PLAC9: variants seen among roughly 807,000 people sequenced by gnomAD.
PLAC9 encodes placenta associated 9, also known as placenta-specific protein 9.
Under a neutral mutation model 11.5 loss-of-function variants are expected in PLAC9, and 12 were observed. The ratio of observed to expected loss-of-function variants is 1.05; its 90% CI spans 0.67 to 1.69. The LOEUF (loss-of-function observed/expected upper bound fraction) is 1.69. Ranked by LOEUF, PLAC9 falls within the 40% of genes most tolerant of loss-of-function variation. The probability of loss-of-function intolerance (pLI) is 0.00; values close to 1 mark genes in which losing one functional copy is unlikely to be tolerated. For synonymous variants in PLAC9, 62 were observed against 58.1 expected (o/e 1.07, Z -0.31); for missense variants, 132 against 130.5 (o/e 1.01, Z -0.06).
chr10:80,143,343 C>T (rs1266516762), intron 2 of PLAC9, among the ~76,000 whole-genome samples: 8 of 150,110 alleles, frequency 5.3e-5, no homozygotes, highest in Admixed American at 2.7e-4. Context: ...GGATTACAGG[C>T]GTGAGCCACC....
chr10:80,144,180 G>A, intron 2 of PLAC9, 43 bp from the exon 3 acceptor site: 3 of 1,613,828 alleles, frequency 1.9e-6, no homozygotes, highest in South Asian at 2.2e-5. Context: ...AGCGGAACGT[G>A]GAACCACTTC....
Position 80,135,321 on chromosome 10 carries a change from C to CTTT in PLAC9, c.64+2515_64+2517dup, listed in dbSNP as rs139336508. ...ACAGGTGTGAGCCACTGCGCCCGGC[C>CTTT]TTTTTTTTTTTTTTTTTTTTTTGAG... On this transcript the variant is annotated intron_variant, in intron 1 of 3. Coordinates refer to ENST00000372263, the MANE Select transcript of PLAC9 (RefSeq NM_001012973.3). Among the ~76,000 whole-genome samples the CTTT allele has an allele frequency of 2.9e-3, 198 of 67,282 alleles. 2 individuals carry two copies. Among genetic ancestry groups the CTTT allele is most frequent in the Non-Finnish European group, 3.9e-3 (153 of 39,162 alleles). The allele number at this position is 67,282 out of a possible 152,430, so 44.1% of individuals were successfully genotyped here. A position where few individuals can be genotyped will look rare whatever the true frequency, so the allele number is the denominator to read the frequency against.
intron 1 of PLAC9, among the ~76,000 whole-genome samples, chr10:80,141,416 T>C (rs1845038829): frequency 6.6e-6 from 1 of 152,052 alleles, no homozygotes; most frequent in African/African-American, 2.4e-5. Flanking sequence ...CTGACCAACA[T>C]GGTGAAACCC....
intron 1 of PLAC9, among the ~76,000 whole-genome samples, chr10:80,134,376 G>T (rs1207043153): frequency 1.3e-5 from 2 of 150,358 alleles, no homozygotes; most frequent in Non-Finnish European, 2.9e-5. Context: ...TGATTCTCCT[G>T]CCTCAGCCTC....
At chr10:80,142,282 G>T (rs751516624) in intron 2 of PLAC9, 103 bp downstream of exon 2, 40 of 962,488 alleles carry the variant, frequency 4.2e-5, no homozygotes, top group Non-Finnish European at 5.1e-5. Flanking sequence ...GGACATCCGG[G>T]CCGATCCTGC....
chr10:80,132,501 C>G, upstream of PLAC9: 1 of 417,510 alleles, frequency 2.4e-6, no homozygotes, highest in Non-Finnish European at 4.2e-6. Flanking sequence ...CCAGGAGGTG[C>G]GGGGACTCGG....
chr10:80,134,919 C>T (rs959574144), intron 1 of PLAC9, among the ~76,000 whole-genome samples: 1 of 152,076 alleles, frequency 6.6e-6, no homozygotes, highest in African/African-American at 2.4e-5. Context: ...AATTGCATCC[C>T]TTTTATGTCA....
In PLAC9 at chr10:80,144,345, T is replaced by G; in HGVS notation, c.283+2T>G. 1.3e-6 allele frequency: 2 copies of G among 1,597,280 alleles called. No individual in the cohort carries two copies. The highest frequency in any genetic ancestry group is 1.7e-6 in the Non-Finnish European group (2 of 1,175,932). On this transcript the variant is annotated splice_donor_variant, in intron 3 of 3. Transcript: ENST00000372263. LOFTEE classifies it high-confidence loss of function. The stretch of plus-strand genomic sequence containing the variant: ...GCCCCGCTCCCGACCTTCTCGGAGG[T>G]GAGCAGTGCAGGTGGCAGAGGACAG...
intron 1 of PLAC9, among the ~76,000 whole-genome samples, chr10:80,140,418 T>G (rs578226062): frequency 7.2e-5 from 11 of 152,286 alleles, no homozygotes; most frequent in African/African-American, 2.4e-4. Flanking sequence ...GCAGGGCCTT[T>G]CTGTGCTCTC....
chr10:80,142,355 T>G (rs1845050556), intron 2 of PLAC9, among the ~76,000 whole-genome samples, 176 bp downstream of exon 2: 1 of 152,090 alleles, frequency 6.6e-6, no homozygotes. Context: ...CAGCCCCCAG[T>G]GGACCCTGCC....
chr10:80,135,227 T>C (rs945833459), intron 1 of PLAC9, among the ~76,000 whole-genome samples: 4 of 151,970 alleles, frequency 2.6e-5, no homozygotes, highest in Non-Finnish European at 5.9e-5. Context: ...TTTCACTGTG[T>C]TAGCCAGGAT....
rs562175747 is a variant in PLAC9, at chr10:80,132,738, C to T, written c.-25C>T. 2.1e-6 allele frequency: 3 copies of T among 1,448,274 alleles called. No individual in the cohort carries two copies. Among genetic ancestry groups the T allele is most frequent in the African/African-American group, 3.0e-5 (2 of 67,320 alleles). The allele number at this position is 1,448,274 out of a possible 1,614,324, so 89.7% of individuals were successfully genotyped here. A position where few individuals can be genotyped will look rare whatever the true frequency, so the allele number is the denominator to read the frequency against. On this transcript the variant is annotated 5_prime_UTR_variant, in exon 1 of 4. Transcript: ENST00000372263. ...GAAGGGCGGCTGCGGGCAGACGCGG[C>T]GCTGCGCTCGGCCAGGCCGGCACCA... is the stretch of plus-strand genomic sequence containing the variant.
chr10:80,134,211 T>G (rs2132331860), intron 1 of PLAC9, among the ~76,000 whole-genome samples: 1 of 151,968 alleles, frequency 6.6e-6, no homozygotes. Context: ...CTCCCCTCCC[T>G]GGATTATTTT....
chr10:80,142,612 T>C (rs747377319), intron 2 of PLAC9, among the ~76,000 whole-genome samples: 6 of 152,232 alleles, frequency 3.9e-5, no homozygotes, highest in Non-Finnish European at 5.9e-5. Context: ...GATAATTTCA[T>C]CTTCTAGTTA....
intron 1 of PLAC9, among the ~76,000 whole-genome samples, chr10:80,140,608 G>T (rs532153903): frequency 1.3e-5 from 2 of 152,156 alleles, no homozygotes; most frequent in Non-Finnish European, 2.9e-5. Context: ...GCATCTCAGG[G>T]TTACCAACTC....
chr10:80,135,872 G>A (rs745538983), intron 1 of PLAC9, among the ~76,000 whole-genome samples: 95 of 152,214 alleles, frequency 6.2e-4, no homozygotes, highest in Non-Finnish European at 1.1e-3. Flanking sequence ...GTTGAATGTG[G>A]TCAAATATAA....
In PLAC9 at chr10:80,145,077, C is replaced by T; in HGVS notation, c.*167C>T. On this transcript the variant is annotated 3_prime_UTR_variant, in exon 4 of 4. Transcript: ENST00000372263. Reference sequence around the variant, plus strand: ...GTAACCCGTTTAACTACAGCCTCCTCTCACTCCACTTCCATGCCTGGAGGA... The same window carrying T: ...GTAACCCGTTTAACTACAGCCTCCTTTCACTCCACTTCCATGCCTGGAGGA... 1.1e-6 allele frequency: 1 copy of T among 879,988 alleles called. No individual in the cohort carries two copies. 54.5% of individuals were successfully genotyped at this position (879,988 alleles called of 1,614,324 possible). A position where few individuals can be genotyped will look rare whatever the true frequency, so the allele number is the denominator to read the frequency against.
chr10:80,141,949 C>T (rs879038568), intron 1 of PLAC9, 133 bp from the exon 2 acceptor site: 25 of 521,458 alleles, frequency 4.8e-5, no homozygotes, highest in Non-Finnish European at 7.0e-5. Context: ...ACACTGACCC[C>T]CACCTGGGCC....
intron 1 of PLAC9, among the ~76,000 whole-genome samples, chr10:80,137,035 T>C (rs759984049): frequency 1.2e-4 from 18 of 152,148 alleles, no homozygotes; most frequent in Non-Finnish European, 2.4e-4. Flanking sequence ...CCATGATGCG[T>C]TCAAGTCAGC....
Sources: gnomAD v4.1 joint callset for allele counts (sites outside exome capture counted in the v4.1 genomes callset) on GRCh38, gnomAD v4.1.1 for gene constraint, MANE v1.5 for transcripts, NCBI Gene and HGNC (gene_info 2026-07-23, HGNC 2026-07-21) for gene names.